TXNRD1: variants seen among roughly 807,000 people sequenced by gnomAD.
The protein encoded by TXNRD1 is thioredoxin reductase 1, cytoplasmic.
TXNRD1 carries 57 observed loss-of-function variants against 80.3 expected under a neutral mutation model. The observed-to-expected ratio is 0.71, with a 90% confidence interval of 0.57 to 0.89. The LOEUF is 0.89. TXNRD1 is among the 40% of genes least tolerant of loss of function. TXNRD1 has a pLI of 0.00. For missense variants in TXNRD1, 730 were observed against 803.0 expected (o/e 0.91, Z 1.10); for synonymous variants, 291 against 285.2 (o/e 1.02, Z -0.20).
chr12:104,256,583 A>T (rs2033253322), intron 2 of TXNRD1, among the ~76,000 whole-genome samples: 1 of 152,068 alleles, frequency 6.6e-6, no homozygotes, highest in Non-Finnish European at 1.5e-5. Context: ...GATAGAGACC[A>T]TCCTGGCCAA....
Position 104,312,190 on chromosome 12 carries a change from C to T in TXNRD1, c.537+778C>T, listed in dbSNP as rs544810304. On this transcript the variant is annotated intron_variant, in intron 5 of 16. Transcript: ENST00000525566. ...ATGGGGAGCAATTGGGTTTCTTAAA[C>T]CCATTTATTAAAAATGATTTGCTTT... 7.9e-5 allele frequency among the ~76,000 whole-genome samples: 12 copies of T among 152,206 alleles called. 1 individual carries two copies. The East Asian group carries it at 2.3e-3, about 29-fold the overall frequency.
In TXNRD1 at chr12:104,321,201, C is replaced by T; in HGVS notation, c.1100C>T (p.Thr367Ile). 6.2e-7 allele frequency: 1 copy of T among 1,613,660 alleles called. No homozygotes were observed. The highest frequency in any genetic ancestry group is 8.5e-7 in the Non-Finnish European group (1 of 1,179,824). ...GFLAGIGLDV[T>I]VMVRSILLRG... ...CTTGCTGGTATTGGTTTAGACGTCA[C>T]TGTTATGGTTAGGTCCATTCTTCTT... is the stretch of plus-strand genomic sequence containing the variant. Residue 367 changes from threonine to isoleucine, a missense_variant, in exon 10 of 17, where the codon ACT (threonine) becomes ATT (isoleucine). Physicochemically the swap from Thr to Ile is moderately conservative, Grantham distance 89. Coordinates refer to ENST00000525566, the MANE Select transcript of TXNRD1 (RefSeq NM_001093771.3).
At chr12:104,304,004 GACCCAA>G (rs776780110) in intron 4 of TXNRD1, 30 of 1,610,916 alleles carry the variant, frequency 1.9e-5, no homozygotes, top group Admixed American at 8.3e-5. Flanking sequence ...GGCCGACGTA[GACCCAA>G]AGCTCCTGGA....
chr12:104,269,005 A>C (rs1320901545), intron 3 of TXNRD1, among the ~76,000 whole-genome samples: 2 of 150,926 alleles, frequency 1.3e-5, no homozygotes, highest in Admixed American at 6.6e-5. Context: ...CTCGGGTTCA[A>C]GTGATTCTCC....
At chr12:104,323,702 G>T (rs2035642419) in intron 10 of TXNRD1, among the ~76,000 whole-genome samples, 1 of 134,072 alleles carries the variant, frequency 7.5e-6, no homozygotes, top group African/African-American at 2.9e-5. Flanking sequence ...CTCCCTCCCG[G>T]ACGGGGCGGC....
At chr12:104,315,709 C>G in intron 6 of TXNRD1, 68 bp from the exon 7 acceptor site, 2 of 1,515,052 alleles carry the variant, frequency 1.3e-6, no homozygotes, top group East Asian at 2.5e-5. Flanking sequence ...TAATTGTTGA[C>G]TTTGTTCTTT....
intron 8 of TXNRD1, 29 bp from the exon 9 acceptor site, chr12:104,319,438 TTAA>T: frequency 7.2e-7 from 1 of 1,382,700 alleles, no homozygotes; most frequent in East Asian, 2.5e-5. Flanking sequence ...GAATGATTAC[TTAA>T]TAAGGTTTTC....
At chr12:104,303,856 A>G in intron 4 of TXNRD1, 1 of 1,451,730 alleles carries the variant, frequency 6.9e-7, no homozygotes, top group Non-Finnish European at 9.0e-7. Flanking sequence ...AGGGAGACGA[A>G]GAGAAAGGAG....
intron 3 of TXNRD1, among the ~76,000 whole-genome samples, chr12:104,258,573 C>T (rs76364436): frequency 0.047 from 7,097 of 152,168 alleles, 202 homozygotes; most frequent in Middle Eastern, 0.12. Context: ...CTTTCTAGGA[C>T]CATGGTGCTC....
chr12:104,261,544 A>T (rs1379403080), intron 3 of TXNRD1, among the ~76,000 whole-genome samples: 1 of 152,122 alleles, frequency 6.6e-6, no homozygotes, highest in African/African-American at 2.4e-5. Context: ...GTGTGTTGCC[A>T]GTGGGGAGGT....
chr12:104,265,678 A>C (rs1182244530), intron 3 of TXNRD1: 1 of 1,604,750 alleles, frequency 6.2e-7, no homozygotes, highest in Non-Finnish European at 8.5e-7. Flanking sequence ...AGCCCACTCC[A>C]TTCAGATCAT....
At chr12:104,274,455 G>A (rs1050063878) in intron 3 of TXNRD1, among the ~76,000 whole-genome samples, 5 of 152,080 alleles carry the variant, frequency 3.3e-5, no homozygotes, top group African/African-American at 1.2e-4. Flanking sequence ...TAGCACTTTG[G>A]GAGGCCGAGG....
chr12:104,223,073 A>C (rs1396442960), intron 1 of TXNRD1, among the ~76,000 whole-genome samples: 1 of 152,110 alleles, frequency 6.6e-6, no homozygotes, highest in Non-Finnish European at 1.5e-5. Context: ...TTTACTTCCA[A>C]GTTTGGACAT....
At chr12:104,228,742 C>G (rs547593942) in intron 1 of TXNRD1, among the ~76,000 whole-genome samples, 1 of 151,758 alleles carries the variant, frequency 6.6e-6, no homozygotes, top group Non-Finnish European at 1.5e-5. Context: ...TTTTTTGAGA[C>G]GGAGTCTCGC....
intron 1 of TXNRD1, among the ~76,000 whole-genome samples, chr12:104,241,203 C>G (rs930235224): frequency 1.3e-5 from 2 of 151,146 alleles, no homozygotes; most frequent in Non-Finnish European, 2.9e-5. Flanking sequence ...ACATGCCTGG[C>G]TAATTTTTGT....
intron 1 of TXNRD1, among the ~76,000 whole-genome samples, chr12:104,218,822 G>A (rs2032281408): frequency 1.3e-5 from 2 of 151,998 alleles, no homozygotes; most frequent in Admixed American, 6.6e-5. Context: ...TGCCCAGGCT[G>A]GTCTCAAACT....
intron 4 of TXNRD1, chr12:104,303,848 G>A (rs771493135): frequency 2.0e-4 from 287 of 1,444,248 alleles, no homozygotes; most frequent in Admixed American, 3.3e-4. Flanking sequence ...TTCCCGGAAG[G>A]GAGACGAAGA....
chr12:104,291,573 C>T (rs1352412915), intron 4 of TXNRD1, among the ~76,000 whole-genome samples: 7 of 143,416 alleles, frequency 4.9e-5, no homozygotes, highest in African/African-American at 1.6e-4. Flanking sequence ...AACCTCTGCC[C>T]CTCGGGTTCA....
chr12:104,327,670 A>G lies in TXNRD1; in HGVS notation c.1541A>G (p.Lys514Arg). ...AGGCTCTATGCAGGTTCCACTGTCAAGGTGAGTGTTGTGCTTGTTGCCCAT... is the reference window on the plus strand; with the variant it reads ...AGGCTCTATGCAGGTTCCACTGTCAGGGTGAGTGTTGTGCTTGTTGCCCAT... ...AQRLYAGSTV[K>R]CDYENVPTTV... is the part of the protein sequence containing the mutation. Residue 514 changes from lysine (K) to arginine (R), a missense_variant and splice_region_variant, in exon 13 of 17, where the codon AAG (lysine) becomes AGG (arginine). By Grantham distance (26) the Lys-to-Arg change is conservative. Transcript: ENST00000525566. 6.2e-7 allele frequency: 1 copy of G among 1,613,492 alleles called. No homozygotes were observed. Among genetic ancestry groups the G allele is most frequent in the Non-Finnish European group, 8.5e-7 (1 of 1,179,782 alleles).
Sources: allele counts gnomAD v4.1 joint callset (sites outside exome capture counted in the v4.1 genomes callset), GRCh38; gene constraint gnomAD v4.1.1; transcripts MANE v1.5; gene names NCBI Gene and HGNC (gene_info 2026-07-23, HGNC 2026-07-21).